Variants in UVRAG observed in about 807,000 individuals in gnomAD.
UVRAG encodes the protein UV radiation resistance associated, also known as UV radiation resistance-associated gene protein.
Under a neutral mutation model 78.0 loss-of-function variants are expected in UVRAG, and 19 were observed. The observed-to-expected ratio is 0.24, with a 90% CI of 0.17 to 0.36. UVRAG has a LOEUF of 0.36. Ranked by LOEUF, UVRAG falls within the 10% of genes least tolerant of loss-of-function variation. The probability of loss-of-function intolerance (pLI) is 1.00; values close to 1 mark genes in which losing one functional copy is unlikely to be tolerated. For synonymous variants in UVRAG, 323 were observed against 324.6 expected (o/e 1.00, Z 0.05); for missense variants, 740 against 853.8 (o/e 0.87, Z 1.66).
intron 14 of UVRAG, among the ~76,000 whole-genome samples, chr11:76,121,513 G>T (rs1251075554): frequency 1.3e-5 from 2 of 152,242 alleles, no homozygotes; most frequent in African/African-American, 4.8e-5. Context: ...TGTGGGTGCT[G>T]AAGAATGTGC....
At chr11:76,100,724 C>G (rs543276905) in intron 13 of UVRAG, among the ~76,000 whole-genome samples, 1 of 152,188 alleles carries the variant, frequency 6.6e-6, no homozygotes, top group Non-Finnish European at 1.5e-5. Context: ...AAGCCTAGTA[C>G]CCAATAGTAC....
intron 6 of UVRAG, among the ~76,000 whole-genome samples, chr11:75,951,154 A>G (rs1948688265): frequency 6.6e-6 from 1 of 152,072 alleles, no homozygotes; most frequent in Non-Finnish European, 1.5e-5. Context: ...TTTTACATTT[A>G]GGTCCCTAAT....
intron 9 of UVRAG, among the ~76,000 whole-genome samples, chr11:76,006,091 AGCCC>A (rs1949932112): frequency 6.6e-6 from 1 of 152,136 alleles, no homozygotes; most frequent in African/African-American, 2.4e-5. Flanking sequence ...GCTGTCTAGG[AGCCC>A]CTGCCTTAAG....
chr11:75,902,349 C>T (rs1373371637), intron 5 of UVRAG, among the ~76,000 whole-genome samples: 2 of 152,174 alleles, frequency 1.3e-5, no homozygotes, highest in Non-Finnish European at 2.9e-5. Context: ...AAGGAACGCA[C>T]AACCTAGATC....
At chr11:75,892,219 A>C in intron 5 of UVRAG, 1 of 477,162 alleles carries the variant, frequency 2.1e-6, no homozygotes, top group Non-Finnish European at 2.7e-6. Context: ...GAAAGAATTA[A>C]GCCAGTCACA....
intron 7 of UVRAG, 82 bp from the exon 8 acceptor site, chr11:75,983,305 A>G (rs992167062): frequency 3.9e-6 from 5 of 1,272,730 alleles, no homozygotes; most frequent in Non-Finnish European, 5.3e-6. Context: ...GCCATTATTT[A>G]TTTTTAAACA....
intron 12 of UVRAG, among the ~76,000 whole-genome samples, chr11:76,050,189 C>T (rs942057201): frequency 2.6e-5 from 4 of 152,108 alleles, no homozygotes; most frequent in African/African-American, 9.7e-5. Context: ...CTTCTCTCAA[C>T]CAAATAATTT....
chr11:76,068,694 T>C lies in UVRAG; in HGVS notation c.1305+2906T>C, dbSNP rs17748748. On this transcript the variant is annotated intron_variant, in intron 13 of 14. Coordinates refer to ENST00000356136, the MANE Select transcript of UVRAG (RefSeq NM_003369.4). The stretch of plus-strand genomic sequence containing the variant: ...CGCTGTTTCTCAGGGAAGCTTTCAT[T>C]TTGTCTTTGACCTTACTGCCATCAC... 9.8e-3 allele frequency among the ~76,000 whole-genome samples: 1,498 copies of C among 152,344 alleles called. 21 individuals are homozygous for C. The highest frequency in any genetic ancestry group is 0.015 in the Non-Finnish European group (1,010 of 68,024).
intron 14 of UVRAG, among the ~76,000 whole-genome samples, chr11:76,125,595 C>T (rs994602727): frequency 1.4e-4 from 22 of 152,220 alleles, no homozygotes; most frequent in Non-Finnish European, 3.2e-4. Flanking sequence ...TAACCCTCCA[C>T]TGGTGACAGA....
chr11:76,089,391 T>A (rs975179223), intron 13 of UVRAG, among the ~76,000 whole-genome samples: 1 of 152,222 alleles, frequency 6.6e-6, no homozygotes, highest in Non-Finnish European at 1.5e-5. Flanking sequence ...TTAATAATTT[T>A]AGATACAGTA....
chr11:76,104,522 A>G (rs1951937016), intron 13 of UVRAG, among the ~76,000 whole-genome samples: 1 of 152,234 alleles, frequency 6.6e-6, no homozygotes. Flanking sequence ...CTGAATAAAC[A>G]CATTAACAGC....
chr11:75,999,384 T>A (rs1949767626), intron 8 of UVRAG, among the ~76,000 whole-genome samples: 1 of 151,868 alleles, frequency 6.6e-6, no homozygotes, highest in Admixed American at 6.6e-5. Context: ...TTTTGTTTGT[T>A]TATTTGTTTG....
chr11:76,083,328 G>A (rs543693010), intron 13 of UVRAG, among the ~76,000 whole-genome samples: 3 of 151,810 alleles, frequency 2.0e-5, no homozygotes, highest in Non-Finnish European at 4.4e-5. Context: ...TCTCCTTCAT[G>A]TTATAAAAAG....
chr11:75,995,501 G>GGA (rs1949689953), intron 8 of UVRAG, among the ~76,000 whole-genome samples: 1 of 120,066 alleles, frequency 8.3e-6, no homozygotes, highest in African/African-American at 2.8e-5. Context: ...TTGTCATTTT[G>GGA]AAAAAAAAAA....
intron 1 of UVRAG, among the ~76,000 whole-genome samples, chr11:75,834,138 G>T (rs900429220): frequency 2.6e-5 from 4 of 152,080 alleles, no homozygotes; most frequent in Admixed American, 1.3e-4. Context: ...TCCAGTTCAG[G>T]ATATAGTCTA....
chr11:75,874,089 A>G (rs1478138316), intron 3 of UVRAG, among the ~76,000 whole-genome samples: 1 of 152,222 alleles, frequency 6.6e-6, no homozygotes, highest in Non-Finnish European at 1.5e-5. Flanking sequence ...CAGCAAGAGC[A>G]AGTGTGAGAC....
At chr11:76,068,911 C>T (rs957395737) in intron 13 of UVRAG, among the ~76,000 whole-genome samples, 3 of 152,122 alleles carry the variant, frequency 2.0e-5, no homozygotes, top group Non-Finnish European at 4.4e-5. Flanking sequence ...AAGATGTGAA[C>T]AAATCATACT....
chr11:76,139,545 A>G (rs570136689), intron 14 of UVRAG, among the ~76,000 whole-genome samples: 2 of 152,064 alleles, frequency 1.3e-5, no homozygotes, highest in South Asian at 4.2e-4. Flanking sequence ...TTAACCCTCT[A>G]TGCGTGTTTC....
chr11:75,898,170 A>G (rs1054317705), intron 5 of UVRAG, among the ~76,000 whole-genome samples: 1 of 152,114 alleles, frequency 6.6e-6, no homozygotes. Flanking sequence ...CGCCTGGCCC[A>G]TAGCTCTTTA....
Sources: gnomAD v4.1 joint callset for allele counts (sites outside exome capture counted in the v4.1 genomes callset) on GRCh38, gnomAD v4.1.1 for gene constraint, MANE v1.5 for transcripts, NCBI Gene and HGNC (gene_info 2026-07-23, HGNC 2026-07-21) for gene names.